CCDC88B: variants seen among roughly 807,000 people sequenced by gnomAD.
CCDC88B encodes coiled-coil and HOOK domain protein 88B.
Under a neutral mutation model 183.7 loss-of-function variants are expected in CCDC88B, and 138 were observed. The ratio of observed to expected loss-of-function variants is 0.75; its 90% confidence interval spans 0.65 to 0.87. The LOEUF (loss-of-function observed/expected upper bound fraction) is 0.87, where lower values mean the gene tolerates loss of function less well. CCDC88B is among the 40% of genes least tolerant of loss of function. CCDC88B has a pLI of 0.00. For missense variants in CCDC88B, 1,822 were observed against 1,965.6 expected (o/e 0.93, Z 1.38); for synonymous variants, 835 against 867.5 (o/e 0.96, Z 0.66).
intron 14 of CCDC88B, among the ~76,000 whole-genome samples, chr11:64,347,698 G>A (rs2036166456): frequency 1.3e-5 from 2 of 152,274 alleles, no homozygotes; most frequent in Non-Finnish European, 2.9e-5. Flanking sequence ...GTGGCTTGGG[G>A]CAAGTTACTT....
Position 64,343,828 on chromosome 11 carries a change from G to A in CCDC88B, c.1369G>A (p.Glu457Lys), listed in dbSNP as rs745594725. The change falls in exon 13 of 27, where the codon GAG (glutamate) becomes AAG (lysine). Residue 457 changes from glutamate (E) to lysine (K), a missense_variant. Transcript: ENST00000356786. ...GCTGCAAGATGAGGTGAGGGAGGCA[G>A]AGGCTGGGCGGCTTCGGACCCTTGA... ...PSLQDEVREA[E>K]AGRLRTLERE... The A allele has an allele frequency of 6.2e-5, 99 of 1,596,282 alleles. No individual in the cohort carries two copies. The highest frequency in any genetic ancestry group is 7.1e-5 in the Non-Finnish European group (83 of 1,172,054).
intron 1 of CCDC88B, 22 bp downstream of exon 1, chr11:64,340,348 G>T (rs1263804981): frequency 7.7e-6 from 10 of 1,304,480 alleles, no homozygotes; most frequent in Non-Finnish European, 7.9e-6. Flanking sequence ...GGTGGCAGCG[G>T]GTTGGGGAGG....
chr11:64,351,593 C>T lies in CCDC88B; in HGVS notation c.3076C>T (p.Gln1026Ter). Residue 1026 changes from glutamine to a stop codon, truncating the protein, a stop_gained, in exon 18 of 27, where the codon CAG becomes TAG. Coordinates refer to ENST00000356786, the MANE Select transcript of CCDC88B (RefSeq NM_032251.6). LOFTEE classifies it high-confidence loss of function. ...GCTGCTGCTGCAGAGCCAGCGGGCG[C>T]AGGAGCACAGCAGCCGCCTGCAGGT... ...QELLLQSQRA[Q>*]EHSSRLQAEK... 2 of 1,564,948 alleles carry T rather than the reference C, an allele frequency of 1.3e-6. No homozygotes were observed. The highest frequency in any genetic ancestry group is 8.6e-7 in the Non-Finnish European group (1 of 1,163,826).
Position 64,340,596 on chromosome 11 carries a change from G to A in CCDC88B, c.61-11G>A. 2 of 1,605,614 alleles carry A rather than the reference G, an allele frequency of 1.2e-6. No homozygotes were observed. The highest frequency in any genetic ancestry group is 8.5e-7 in the Non-Finnish European group (1 of 1,178,180). On this transcript the variant is annotated splice_polypyrimidine_tract_variant and intron_variant, in intron 1 of 26. Coordinates refer to ENST00000356786, the MANE Select transcript of CCDC88B (RefSeq NM_032251.6). The stretch of plus-strand genomic sequence containing the variant: ...TCTGCTGGTCGGCTGACCCCTCTGG[G>A]CTCCTCACAGGCGCTGGGACTGGCC...
At chr11:64,349,724 G>T (rs769936094) in intron 16 of CCDC88B, 56 bp downstream of exon 16, 18 of 1,468,882 alleles carry the variant, frequency 1.2e-5, no homozygotes, top group Non-Finnish European at 1.7e-5. Context: ...TCCATCCCAT[G>T]AGCAGATGCC....
Position 64,357,286 on chromosome 11 carries a change from G to T in CCDC88B, c.*192G>T. On this transcript the variant is annotated 3_prime_UTR_variant, in exon 27 of 27. Transcript: ENST00000356786. ...TGGAGCTGGGACGAGTGTGTGGACA[G>T]GGGGGATGGCTGGCCCCCACGAGCA... 1 of 754,498 alleles carries T rather than the reference G, an allele frequency of 1.3e-6. No homozygotes were observed. Among genetic ancestry groups the T allele is most frequent in the Non-Finnish European group, 2.4e-6 (1 of 418,260 alleles). 46.7% of individuals were successfully genotyped at this position (754,498 alleles called of 1,614,324 possible).
chr11:64,343,385 C>T, intron 11 of CCDC88B, 60 bp downstream of exon 11: 2 of 1,538,678 alleles, frequency 1.3e-6, no homozygotes, highest in Non-Finnish European at 1.8e-6. Flanking sequence ...CCCATTGATT[C>T]CCTAGTGGTC....
intron 14 of CCDC88B, among the ~76,000 whole-genome samples, chr11:64,347,246 T>G (rs1273731078): frequency 6.6e-6 from 1 of 152,208 alleles, no homozygotes; most frequent in African/African-American, 2.4e-5. Context: ...AGGAAGGGGT[T>G]AGGGCTTTTG....
intron 14 of CCDC88B, among the ~76,000 whole-genome samples, chr11:64,346,794 C>CTTTCTTTTCT (rs113652845): frequency 1.6e-4 from 24 of 149,230 alleles, no homozygotes; most frequent in East Asian, 1.0e-3. Context: ...TGGCTAGTTT[C>CTTTCTTTTCT]TTTCTTTTCT....
intron 26 of CCDC88B, chr11:64,356,015 ATG>A (rs761454053): frequency 0.013 from 797 of 60,982 alleles, 15 homozygotes; most frequent in South Asian, 0.047. Context: ...ATTAGACGTG[ATG>A]TTTTTTTTTT....
rs1025728500 is a variant in CCDC88B, at chr11:64,340,639, G to C, written c.93G>C (p.Ala31=). The stretch of plus-strand genomic sequence containing the variant: ...GACTGGCCGGGCTGGTCGGGGAGGC[G>C]GAGGACTCGGAGGGGGAAGAAGAGG... ...ALGLAGLVGE[A]EDSEGEEEEE... Residue 31 remains alanine (A), a synonymous_variant, in exon 2 of 27, where the codon GCG becomes GCC. Coordinates refer to ENST00000356786, the MANE Select transcript of CCDC88B (RefSeq NM_032251.6). 2 of 1,610,840 alleles carry C rather than the reference G, an allele frequency of 1.2e-6. No homozygotes were observed. Among genetic ancestry groups the C allele is most frequent in the Admixed American group, 1.7e-5 (1 of 59,976 alleles).
In CCDC88B at chr11:64,353,807, G is replaced by A. The variant is rs749137059; in HGVS notation, c.3926G>A (p.Arg1309Gln). The change falls in exon 23 of 27, where the codon CGG (arginine) becomes CAG (glutamine). Residue 1309 changes from arginine to glutamine, a missense_variant. Coordinates refer to ENST00000356786, the MANE Select transcript of CCDC88B (RefSeq NM_032251.6). ...GTGCTGGAGCCTGTGCCCCTGCCCC[G>A]GACCAAGTGAGCAGCCCTGTCACCT... ...YRVLEPVPLPRTKKGSWLADK... is the reference protein window; with the variant it reads ...YRVLEPVPLPQTKKGSWLADK... 7.4e-6 allele frequency: 12 copies of A among 1,613,922 alleles called. No individual in the cohort carries two copies. The highest frequency in any genetic ancestry group is 2.2e-5 in the South Asian group (2 of 91,088).
intron 14 of CCDC88B, among the ~76,000 whole-genome samples, chr11:64,347,675 A>G (rs1227892424): frequency 1.3e-5 from 2 of 152,144 alleles, no homozygotes; most frequent in African/African-American, 4.8e-5. Flanking sequence ...CGACCTGCCT[A>G]CTTTCCAGCT....
chr11:64,351,906 C>A (rs2036347681), intron 18 of CCDC88B, among the ~76,000 whole-genome samples: 1 of 152,146 alleles, frequency 6.6e-6, no homozygotes, highest in Non-Finnish European at 1.5e-5. Flanking sequence ...TGCCCTGTGC[C>A]CCTTCCGGAC....
At position 64,355,615 on chromosome 11, in the gene CCDC88B, T is replaced by C. The variant is rs1402601611; in HGVS notation, c.4362T>C (p.Asp1454=). ...AGACCCTGCAGGAACACGAAACAGA[T>C]GCCAACCGAGAGGGTGAGTGGGGGA... is the stretch of plus-strand genomic sequence containing the variant. ...SAETLQEHET[D]ANREGPEVQE... Residue 1454 remains aspartate, a synonymous_variant, in exon 26 of 27, where the codon GAT becomes GAC. Coordinates refer to ENST00000356786, the MANE Select transcript of CCDC88B (RefSeq NM_032251.6). 1.2e-6 allele frequency: 2 copies of C among 1,611,474 alleles called. No individual in the cohort carries two copies. Among genetic ancestry groups the C allele is most frequent in the South Asian group, 2.2e-5 (2 of 90,684 alleles).
chr11:64,346,542 G>A (rs1183512651), intron 14 of CCDC88B, among the ~76,000 whole-genome samples: 1 of 151,660 alleles, frequency 6.6e-6, no homozygotes, highest in East Asian at 1.9e-4. Flanking sequence ...CCAGGTTCAC[G>A]CCATTCTCCT....
In CCDC88B at chr11:64,349,622, T is replaced by A. The variant is rs936277803; in HGVS notation, c.2816T>A (p.Met939Lys). ...AAATSKEEAL[M>K]ELKTRALQLE... ...GCGACCAGCAAGGAGGAGGCGCTGA[T>A]GGAGCTCAAGACCAGGGCCCTGCAG... The change falls in exon 16 of 27, where the codon ATG (methionine) becomes AAG (lysine). Residue 939 changes from methionine (M) to lysine (K), a missense_variant. Transcript: ENST00000356786. 1 of 1,600,898 alleles carries A rather than the reference T, an allele frequency of 6.2e-7. No homozygotes were observed. Among genetic ancestry groups the A allele is most frequent in the Admixed American group, 1.7e-5 (1 of 57,844 alleles).
Position 64,351,377 on chromosome 11 carries a change from G to A in CCDC88B, c.2959-99G>A, listed in dbSNP as rs7950922. ...GTGAGTGTGGACTCACAGTGGGCCC[G>A]GGGGTGGGGGTGCCCCATGCAGTGT... On this transcript the variant is annotated intron_variant, in intron 17 of 26. Transcript: ENST00000356786. 28 of 1,527,244 alleles carry A rather than the reference G, an allele frequency of 1.8e-5. No homozygotes were observed. The East Asian group carries it at 3.9e-4, about 21-fold the overall frequency. 94.6% of individuals were successfully genotyped at this position (1,527,244 alleles called of 1,614,324 possible).
At chr11:64,348,252 T>C (rs1052615574) in intron 14 of CCDC88B, among the ~76,000 whole-genome samples, 137 of 136,124 alleles carry the variant, frequency 1.0e-3, no homozygotes, top group African/African-American at 3.7e-3. Flanking sequence ...TGGGGGAAGC[T>C]AGGGACAAAG....
Sources: allele counts gnomAD v4.1 joint callset (sites outside exome capture counted in the v4.1 genomes callset), GRCh38; gene constraint gnomAD v4.1.1; transcripts MANE v1.5; gene names NCBI Gene and HGNC (gene_info 2026-07-23, HGNC 2026-07-21).